ZDHHC15: variants seen among roughly 807,000 people sequenced by gnomAD.
The protein encoded by ZDHHC15 is zDHHC palmitoyltransferase 15, also known as palmitoyltransferase ZDHHC15.
Under a neutral mutation model 31.7 loss-of-function variants are expected in ZDHHC15, and 19 were observed. The ratio of observed to expected loss-of-function variants is 0.60; its 90% CI spans 0.42 to 0.88. ZDHHC15 has a LOEUF of 0.88. Ranked by LOEUF, ZDHHC15 falls within the 40% of genes least tolerant of loss-of-function variation. ZDHHC15 has a pLI of 0.00. For synonymous variants in ZDHHC15, 103 were observed against 90.0 expected, an observed-to-expected ratio of 1.14 and a Z score of -0.82; for missense variants, 209 against 251.2, an observed-to-expected ratio of 0.83 and a Z score of 1.14.
chrX:75,419,460 A>T (rs938021939), intron 9 of ZDHHC15, among the ~76,000 whole-genome samples: 5 of 110,940 alleles, frequency 4.5e-5, no homozygotes, highest in Non-Finnish European at 9.5e-5. Context: ...CAGATGCTGG[A>T]GAGGATGTGG....
chrX:75,410,374 AAAAAAAGAAAAG>A (rs1356935339), intron 10 of ZDHHC15, among the ~76,000 whole-genome samples: 47 of 111,824 alleles, frequency 4.2e-4, no homozygotes, highest in Admixed American at 4.7e-4. Context: ...CAAAAAAGAA[AAAAAAAGAAAAG>A]AAAAAAGAAA....
At chrX:75,440,216 G>A (rs915875143) in intron 4 of ZDHHC15, among the ~76,000 whole-genome samples, 1 of 111,838 alleles carries the variant, frequency 8.9e-6, no homozygotes, top group Non-Finnish European at 1.9e-5. Flanking sequence ...GTCCCAGGCA[G>A]TGGAATTAGC....
intron 10 of ZDHHC15, among the ~76,000 whole-genome samples, chrX:75,385,621 C>T (rs1021428113): frequency 1.8e-5 from 2 of 111,376 alleles, no homozygotes; most frequent in Middle Eastern, 4.6e-3. Flanking sequence ...TCCCTTACTG[C>T]CCAAAATTTC....
chrX:75,369,695 A>G lies in ZDHHC15; in HGVS notation c.*3283T>C, dbSNP rs773084889. The G allele has an allele frequency of 3.6e-5, 4 of 111,811 alleles. No individual in the cohort carries two copies. Among genetic ancestry groups the G allele is most frequent in the Non-Finnish European group, 5.6e-5 (3 of 53,205 alleles). 9.2% of individuals were successfully genotyped at this position (111,811 alleles called of 1,213,427 possible). A position where few individuals can be genotyped will look rare whatever the true frequency, so the allele number is the denominator to read the frequency against. ...GTCACATGGGGCTAGTAGGGGAAAGAGGCACATATTGCATTCTTATCACAT... is the reference window on the plus strand; with the variant it reads ...GTCACATGGGGCTAGTAGGGGAAAGGGGCACATATTGCATTCTTATCACAT... On this transcript the variant is annotated 3_prime_UTR_variant, in exon 12 of 12. Coordinates refer to ENST00000373367, the MANE Select transcript of ZDHHC15 (RefSeq NM_144969.3).
chrX:75,438,021 T>A, intron 4 of ZDHHC15, among the ~76,000 whole-genome samples: 1 of 111,488 alleles, frequency 9.0e-6, no homozygotes, highest in Non-Finnish European at 1.9e-5. Flanking sequence ...AAAAAACACA[T>A]GAAAAAATGC....
rs139195066 is a variant in ZDHHC15 at position 75,478,162 on chromosome X, C to T, written c.258+729G>A. On this transcript the variant is annotated intron_variant, in intron 3 of 11. Coordinates refer to ENST00000373367, the MANE Select transcript of ZDHHC15 (RefSeq NM_144969.3). ...CTTTAAAAATATTGCATGAAACACTCGCATTTAAGGTAACACAGTCTGAAA... is the reference window on the plus strand; with the variant it reads ...CTTTAAAAATATTGCATGAAACACTTGCATTTAAGGTAACACAGTCTGAAA... Among the ~76,000 whole-genome samples, 893 of 111,744 alleles carry T rather than the reference C, an allele frequency of 8.0e-3. 10 individuals carry two copies. Among genetic ancestry groups the T allele is most frequent in the African/African-American group, 0.027 (823 of 30,809 alleles).
intron 10 of ZDHHC15, among the ~76,000 whole-genome samples, chrX:75,411,030 A>G (rs1038604119): frequency 1.8e-5 from 2 of 112,027 alleles, no homozygotes; most frequent in African/African-American, 6.5e-5. Context: ...TGTAGGAGCT[A>G]CAAAAGTGGA....
At chrX:75,457,609 T>C (rs771222734) in intron 3 of ZDHHC15, among the ~76,000 whole-genome samples, 44 of 108,332 alleles carry the variant, frequency 4.1e-4, no homozygotes, top group Non-Finnish European at 7.6e-4. Flanking sequence ...TATCTGGGTG[T>C]ATATGTGTGA....
At chrX:75,462,241 T>C (rs925927891) in intron 3 of ZDHHC15, among the ~76,000 whole-genome samples, 14 of 112,437 alleles carry the variant, frequency 1.2e-4, no homozygotes, top group Non-Finnish European at 2.4e-4. Flanking sequence ...TAAATATATA[T>C]GCACCAAATT....
intron 1 of ZDHHC15, among the ~76,000 whole-genome samples, chrX:75,520,283 T>C (rs373122872): frequency 9.8e-5 from 11 of 112,035 alleles, no homozygotes; most frequent in East Asian, 8.4e-4. Context: ...ATTACATGAC[T>C]AAAGAAGAAC....
intron 3 of ZDHHC15, among the ~76,000 whole-genome samples, chrX:75,472,189 C>T (rs1163648326): frequency 8.9e-6 from 1 of 111,768 alleles, no homozygotes; most frequent in Non-Finnish European, 1.9e-5. Context: ...TCTCCCCCAG[C>T]CTGCACTGAT....
In ZDHHC15 at chrX:75,384,426, G is replaced by C. The variant is rs893402703; in HGVS notation, c.968-5228C>G. 48 of 959,175 alleles carry C rather than the reference G, an allele frequency of 5.0e-5. No individual in the cohort carries two copies. The African/African-American group carries it at 7.8e-4, about 16-fold the overall frequency. The allele number at this position is 959,175 out of a possible 1,213,427, so 79.0% of individuals were successfully genotyped here. A position where few individuals can be genotyped will look rare whatever the true frequency, so the allele number is the denominator to read the frequency against. ...TTAGAAAACATGGAGTTGTTCCTTT[G>C]GCCACGTATATGCAAATCTATAAGA... On this transcript the variant is annotated intron_variant, in intron 10 of 11. Coordinates refer to ENST00000373367, the MANE Select transcript of ZDHHC15 (RefSeq NM_144969.3).
At chrX:75,404,314 T>G (rs2083387907) in intron 10 of ZDHHC15, among the ~76,000 whole-genome samples, 1 of 111,901 alleles carries the variant, frequency 8.9e-6, no homozygotes, top group Non-Finnish European at 1.9e-5. Flanking sequence ...GACACAGGAA[T>G]GGATAAAGAG....
chrX:75,380,725 T>A (rs1351780067), intron 10 of ZDHHC15, among the ~76,000 whole-genome samples: 1 of 111,254 alleles, frequency 9.0e-6, no homozygotes, highest in Non-Finnish European at 1.9e-5. Flanking sequence ...TCAATTCACC[T>A]TCACCTCCTA....
Position 75,391,883 on chromosome X carries a change from C to A in ZDHHC15, c.968-12685G>T, listed in dbSNP as rs371062340. ...TAGAAAGACTAAAAGATGAACTGAT[C>A]AAAAATAACTATAACAACTTTTGAA... On this transcript the variant is annotated intron_variant, in intron 10 of 11. Transcript: ENST00000373367. 6.3e-5 allele frequency among the ~76,000 whole-genome samples: 7 copies of A among 111,478 alleles called. No individual in the cohort carries two copies. The East Asian group carries it at 2.0e-3, about 32-fold the overall frequency.
intron 10 of ZDHHC15, among the ~76,000 whole-genome samples, chrX:75,382,952 G>A (rs886645140): frequency 3.6e-4 from 40 of 111,817 alleles, no homozygotes; most frequent in African/African-American, 1.3e-3. Context: ...GGTGGGAGAT[G>A]CTTCCCATGC....
chrX:75,455,134 C>T lies in ZDHHC15; in HGVS notation c.259-4212G>A, dbSNP rs146548153. Among the ~76,000 whole-genome samples, 896 of 111,651 alleles carry T rather than the reference C, an allele frequency of 8.0e-3. 11 individuals carry two copies. The highest frequency in any genetic ancestry group is 0.027 in the African/African-American group (823 of 30,787). ...TTCAAACTATACTACAAGGCTACAG[C>T]AACCAAAACTGCATGGTACTGGTAC... is the stretch of plus-strand genomic sequence containing the variant. On this transcript the variant is annotated intron_variant, in intron 3 of 11. Coordinates refer to ENST00000373367, the MANE Select transcript of ZDHHC15 (RefSeq NM_144969.3).
intron 4 of ZDHHC15, among the ~76,000 whole-genome samples, chrX:75,433,479 C>T (rs189373658): frequency 9.1e-6 from 1 of 109,532 alleles, no homozygotes; most frequent in East Asian, 2.9e-4. Context: ...CATTCTTAGG[C>T]TTTTGCATCC....
intron 4 of ZDHHC15, among the ~76,000 whole-genome samples, chrX:75,433,218 G>T (rs73220095): frequency 2.6e-3 from 295 of 111,669 alleles, no homozygotes; most frequent in Non-Finnish European, 4.5e-3. Context: ...GGCTTTTTGT[G>T]CTTGCAGTTC....
Sources: allele counts gnomAD v4.1 joint callset (sites outside exome capture counted in the v4.1 genomes callset), GRCh38; gene constraint gnomAD v4.1.1; transcripts MANE v1.5; gene names NCBI Gene and HGNC (gene_info 2026-07-23, HGNC 2026-07-21).